Variants in AGAP2 observed in about 807,000 individuals in gnomAD.
The protein encoded by AGAP2 is ArfGAP with GTPase domain, ankyrin repeat and PH domain 2.
Under a neutral mutation model 110.9 loss-of-function variants are expected in AGAP2, and 32 were observed. That is an observed-to-expected ratio of 0.29 (90% CI 0.22 to 0.39). The LOEUF (loss-of-function observed/expected upper bound fraction) is 0.39, where lower values mean the gene tolerates loss of function less well. Among genes scored for constraint, AGAP2 ranks in the 10% least tolerant of loss-of-function variants. The pLI is 1.00. For synonymous variants in AGAP2, 702 were observed against 713.0 expected (o/e 0.98, Z 0.25); for missense variants, 1,285 against 1,638.5 (o/e 0.78, Z 3.72).
Position 57,727,148 on chromosome 12 carries a change from C to G in AGAP2, c.3162G>C (p.Leu1054=). ...LAPLSTSEEP[L]GRQLWAAVQA... is the part of the protein sequence containing the mutation. ...GCACGGCGGCCCACAGCTGGCGGCC[C>G]AGCGGCTCCTCCGAGGTGCTCAGCG... Residue 1054 remains leucine, a synonymous_variant, in exon 18 of 19, where the codon CTG becomes CTC. Coordinates refer to ENST00000547588, the MANE Select transcript of AGAP2 (RefSeq NM_001122772.3). The G allele has an allele frequency of 1.2e-6, 2 of 1,605,222 alleles. No homozygotes were observed. Among genetic ancestry groups the G allele is most frequent in the Non-Finnish European group, 1.7e-6 (2 of 1,177,050 alleles).
At chr12:57,741,223 C>A (rs1197610200), upstream of AGAP2, among the ~76,000 whole-genome samples, 1 of 152,084 alleles carries the variant, frequency 6.6e-6, no homozygotes, top group Admixed American at 6.5e-5. Context: ...GATGGTGTTG[C>A]CATGGCAGCA....
chr12:57,737,830 G>T lies in AGAP2; in HGVS notation c.417C>A (p.Ser139=). The T allele has an allele frequency of 6.7e-7, 1 of 1,484,690 alleles. No individual in the cohort carries two copies. The highest frequency in any genetic ancestry group is 8.9e-7 in the Non-Finnish European group (1 of 1,129,142). 92.0% of individuals were successfully genotyped at this position (1,484,690 alleles called of 1,614,324 possible). A position where few individuals can be genotyped will look rare whatever the true frequency, so the allele number is the denominator to read the frequency against. Reference sequence around the variant, plus strand: ...GGCTGCTGAGCAGGGGGCGCCGGGAGGAGGTGGGGGCGCCCCCAGGCTTGG... The same window carrying T: ...GGCTGCTGAGCAGGGGGCGCCGGGATGAGGTGGGGGCGCCCCCAGGCTTGG... ...PDPKPGGAPT[S]SRRPLLSSPS... Residue 139 remains serine (S), a synonymous_variant, in exon 1 of 19, where the codon TCC becomes TCA. Transcript: ENST00000547588. The surrounding 1 kb of genome is among the most constrained non-coding windows in gnomAD (Gnocchi z 5.9).
chr12:57,737,304 G>A lies in AGAP2; in HGVS notation c.943C>T (p.Pro315Ser), dbSNP rs1282269960. Residue 315 changes from proline to serine, a missense_variant, in exon 1 of 19, where the codon CCT (proline) becomes TCT (serine). By Grantham distance (74) the Pro-to-Ser change is moderately conservative. Transcript: ENST00000547588. The surrounding 1 kb of genome is among the most constrained non-coding windows in gnomAD (Gnocchi z 5.9). ...VTAASAQPPG[P>S]APPITLEPPA... ...GGCTCCAGAGTGATTGGAGGTGCAGGCCCGGGGGGCTGCGCGGAAGCAGCG... is the reference window on the plus strand; with the variant it reads ...GGCTCCAGAGTGATTGGAGGTGCAGACCCGGGGGGCTGCGCGGAAGCAGCG... The A allele has an allele frequency of 6.2e-7, 1 of 1,613,730 alleles. No individual in the cohort carries two copies. The highest frequency in any genetic ancestry group is 1.7e-5 in the Admixed American group (1 of 60,018).
upstream of AGAP2, chr12:57,741,796 T>C (rs1219016017): frequency 8.4e-7 from 1 of 1,196,084 alleles, no homozygotes; most frequent in East Asian, 2.4e-5. Flanking sequence ...TTTCCCAGAG[T>C]CCCATCTTGG....
At chr12:57,736,476 G>A (rs1460960183) in intron 1 of AGAP2, among the ~76,000 whole-genome samples, 1 of 151,990 alleles carries the variant, frequency 6.6e-6, no homozygotes, top group Non-Finnish European at 1.5e-5. Flanking sequence ...GGCAGTGGGG[G>A]AAGTGAGGCT....
chr12:57,739,031 T>C (rs912454540), upstream of AGAP2, among the ~76,000 whole-genome samples: 21 of 131,958 alleles, frequency 1.6e-4, no homozygotes, highest in Non-Finnish European at 9.5e-5. Flanking sequence ...CCAGCACCGA[T>C]GTCTGCGAGG....
rs773318398 is a variant in AGAP2, at chr12:57,729,787, C to A, written c.2429-20G>T. 6.3e-7 allele frequency: 1 copy of A among 1,588,322 alleles called. No individual in the cohort carries two copies. The highest frequency in any genetic ancestry group is 8.6e-7 in the Non-Finnish European group (1 of 1,169,428). ...TACAGTCTTAGGGAGGAAGACACAG[C>A]TGCCTCAGTAGCCCCCTCCACAGAT... On this transcript the variant is annotated intron_variant, in intron 12 of 18. Coordinates refer to ENST00000547588, the MANE Select transcript of AGAP2 (RefSeq NM_001122772.3).
intron 7 of AGAP2, 147 bp from the exon 8 acceptor site, chr12:57,732,114 T>A: frequency 9.9e-7 from 1 of 1,007,000 alleles, no homozygotes; most frequent in Non-Finnish European, 1.4e-6. Flanking sequence ...AAATCCTCAC[T>A]AACATTGTGA....
rs1555198768 is a variant in AGAP2, at chr12:57,731,558, G to A, written c.2038C>T (p.Gln680Ter). 1 of 1,614,130 alleles carries A rather than the reference G, an allele frequency of 6.2e-7. No homozygotes were observed. Among genetic ancestry groups the A allele is most frequent in the Non-Finnish European group, 8.5e-7 (1 of 1,180,018 alleles). Residue 680 changes from glutamine to a stop codon, truncating the protein, a stop_gained and splice_region_variant, in exon 9 of 19, where the codon CAG (glutamine) becomes TAG (stop). Coordinates refer to ENST00000547588, the MANE Select transcript of AGAP2 (RefSeq NM_001122772.3). LOFTEE classifies it high-confidence loss of function. ...TGSGRAIPIK[Q>*]SFLLKRSGNS... The stretch of plus-strand genomic sequence containing the variant: ...GTCCCAGCCCCTGGATCACTCACCT[G>A]TTTGATGGGGATGGCTCGCCCACTC...
intron 5 of AGAP2, 103 bp downstream of exon 5, chr12:57,733,923 G>T: frequency 7.4e-7 from 1 of 1,343,758 alleles, no homozygotes; most frequent in Non-Finnish European, 1.0e-6. Context: ...TAATCCAAGT[G>T]GCCATTTCCA....
rs979455778 is a variant in AGAP2 at position 57,726,888 on chromosome 12, C to T, written c.3336+86G>A. 7 of 1,468,688 alleles carry T rather than the reference C, an allele frequency of 4.8e-6. No homozygotes were observed. Among genetic ancestry groups the T allele is most frequent in the Middle Eastern group, 2.4e-4 (1 of 4,166 alleles). The allele number at this position is 1,468,688 out of a possible 1,614,324, so 91.0% of individuals were successfully genotyped here. A position where few individuals can be genotyped will look rare whatever the true frequency, so the allele number is the denominator to read the frequency against. On this transcript the variant is annotated intron_variant, in intron 18 of 18. Coordinates refer to ENST00000547588, the MANE Select transcript of AGAP2 (RefSeq NM_001122772.3). The surrounding 1 kb of genome is among the most constrained non-coding windows in gnomAD (Gnocchi z 5.7). ...CATGGCCAAGCCTACTTCCGGGGTC[C>T]CTCTGGGAATTTCGGGCTTTCCCGC...
Position 57,728,115 on chromosome 12 carries a change from G to A in AGAP2, c.2618-30C>T, listed in dbSNP as rs779108047. The A allele has an allele frequency of 3.8e-6, 6 of 1,567,650 alleles. No homozygotes were observed. The East Asian group carries it at 1.3e-4, about 35-fold the overall frequency. On this transcript the variant is annotated intron_variant, in intron 14 of 18. Transcript: ENST00000547588. ...GTGGGGGATGGGATGGGGTCATTAA[G>A]GGACAGAGTTCAAGCAGGGGCTGCC...
chr12:57,737,311 G>A lies in AGAP2; in HGVS notation c.936C>T (p.Pro312=). The A allele has an allele frequency of 3.1e-6, 5 of 1,613,796 alleles. No homozygotes were observed. The highest frequency in any genetic ancestry group is 1.1e-5 in the South Asian group (1 of 91,082). Residue 312 remains proline (P), a synonymous_variant, in exon 1 of 19, where the codon CCC becomes CCT. Coordinates refer to ENST00000547588, the MANE Select transcript of AGAP2 (RefSeq NM_001122772.3). The surrounding 1 kb of genome is among the most constrained non-coding windows in gnomAD (Gnocchi z 5.9). ...ATAVTAASAQ[P]PGPAPPITLE... ...GAGTGATTGGAGGTGCAGGCCCGGGGGGCTGCGCGGAAGCAGCGGTGACAG... is the reference window on the plus strand; with the variant it reads ...GAGTGATTGGAGGTGCAGGCCCGGGAGGCTGCGCGGAAGCAGCGGTGACAG...
rs545740360 is a variant in AGAP2 at position 57,737,042 on chromosome 12, C to A, written c.1168+37G>T. ...ACCCCAAGCTGAGCATTCCAGGTACCCTTCCCTCCCTGTTCTCAAGCCCTG... is the reference window on the plus strand; with the variant it reads ...ACCCCAAGCTGAGCATTCCAGGTACACTTCCCTCCCTGTTCTCAAGCCCTG... On this transcript the variant is annotated intron_variant, in intron 1 of 18. Coordinates refer to ENST00000547588, the MANE Select transcript of AGAP2 (RefSeq NM_001122772.3). The surrounding 1 kb of genome is among the most constrained non-coding windows in gnomAD (Gnocchi z 5.9). The A allele has an allele frequency of 1.6e-5, 23 of 1,466,226 alleles. No individual in the cohort carries two copies. Among genetic ancestry groups the A allele is most frequent in the Admixed American group, 5.4e-5 (2 of 37,066 alleles). The allele number at this position is 1,466,226 out of a possible 1,614,324, so 90.8% of individuals were successfully genotyped here.
rs1186976501 is a variant in AGAP2, at chr12:57,727,488, G to A, written c.2952C>T (p.Arg984=). ...GTGGCCAGTCGTCCAAGTCCAGCGA[G>A]CGAACGCGGGACAGGTGTGTGCCCA... ...RNLGTHLSRV[R]SLDLDDWPRE... Residue 984 remains arginine, a synonymous_variant, in exon 17 of 19, where the codon CGC becomes CGT. Coordinates refer to ENST00000547588, the MANE Select transcript of AGAP2 (RefSeq NM_001122772.3). 1 of 1,612,356 alleles carries A rather than the reference G, an allele frequency of 6.2e-7. No individual in the cohort carries two copies. The highest frequency in any genetic ancestry group is 8.5e-7 in the Non-Finnish European group (1 of 1,179,522).
Position 57,731,628 on chromosome 12 carries a change from A to G in AGAP2, c.1968T>C (p.Ser656=), listed in dbSNP as rs1405125799. The change falls in exon 9 of 19, where the codon AGT becomes AGC. Residue 656 remains serine, a synonymous_variant. Transcript: ENST00000547588. Reference sequence around the variant, plus strand: ...TATCCAAGCTTCGTTTCTCGGAGTCACTACCCCGACGATTCTGGAATGGTT... The same window carrying G: ...TATCCAAGCTTCGTTTCTCGGAGTCGCTACCCCGACGATTCTGGAATGGTT... ...RTSLFANRRG[S]DSEKRSLDSR... is the part of the protein sequence containing the mutation. 6.2e-7 allele frequency: 1 copy of G among 1,614,088 alleles called. No individual in the cohort carries two copies. The highest frequency in any genetic ancestry group is 1.1e-5 in the South Asian group (1 of 91,068).
upstream of AGAP2, chr12:57,741,928 T>C (rs770785841): frequency 1.9e-6 from 3 of 1,613,758 alleles, no homozygotes; most frequent in Admixed American, 5.0e-5. Flanking sequence ...TGCTGTCCAA[T>C]GAGGCCTGGA....
chr12:57,742,142 A>G (rs1955084698), upstream of AGAP2: 2 of 1,550,114 alleles, frequency 1.3e-6, no homozygotes, highest in Non-Finnish European at 1.8e-6. Flanking sequence ...ACAGCCCCCA[A>G]ACCTCAGAAG....
chr12:57,726,375 G>A lies in AGAP2; in HGVS notation c.*177C>T, dbSNP rs555123594. The stretch of plus-strand genomic sequence containing the variant: ...GGTCTCCATGCCTCGTTGGGGAGAG[G>A]GAGGTGAGTTTGTGTCTTCTGGAAG... On this transcript the variant is annotated 3_prime_UTR_variant, in exon 19 of 19. Coordinates refer to ENST00000547588, the MANE Select transcript of AGAP2 (RefSeq NM_001122772.3). This position sits in a 1 kb window ranked among gnomAD's most constrained non-coding sequence, Gnocchi z 5.7. 81 of 468,342 alleles carry A rather than the reference G, an allele frequency of 1.7e-4. No homozygotes were observed. The highest frequency in any genetic ancestry group is 1.0e-3 in the African/African-American group (48 of 47,936). The allele number at this position is 468,342 out of a possible 1,614,324, so 29.0% of individuals were successfully genotyped here. A position where few individuals can be genotyped will look rare whatever the true frequency, so the allele number is the denominator to read the frequency against.
Sources: gnomAD v4.1 joint callset for allele counts (sites outside exome capture counted in the v4.1 genomes callset) on GRCh38, gnomAD v4.1.1 for gene constraint, Gnocchi (gnomAD v3.1) non-coding constraint, MANE v1.5 for transcripts, NCBI Gene and HGNC (gene_info 2026-07-23, HGNC 2026-07-21) for gene names.